Variants in LARP4B observed in about 807,000 individuals in gnomAD.
LARP4B encodes the protein La ribonucleoprotein 4B, also known as la-related protein 4B.
In LARP4B, 12 loss-of-function variants were observed where a neutral mutation model predicts 89.8. The observed-to-expected ratio is 0.13, with a 90% confidence interval of 0.09 to 0.22. The LOEUF (loss-of-function observed/expected upper bound fraction) is 0.22. Ranked by LOEUF, LARP4B falls within the 10% of genes least tolerant of loss-of-function variation. The pLI, the probability that LARP4B is intolerant of heterozygous loss-of-function variation, is 1.00. For missense variants in LARP4B, 757 were observed against 947.7 expected (o/e 0.80, Z 2.64); for synonymous variants, 367 against 363.3 (o/e 1.01, Z -0.12).
At chr10:954,543 G>T in the LARP4B span, among the ~76,000 whole-genome samples, 4 of 152,126 alleles carry the variant, frequency 2.6e-5, no homozygotes. This position sits in a 1 kb window ranked among gnomAD's most constrained non-coding sequence, Gnocchi z 5.0. Context: ...AATGGGAGTC[G>T]GGACATGGCC....
chr10:974,322 TG>T, the LARP4B span, among the ~76,000 whole-genome samples: 1 of 152,004 alleles, frequency 6.6e-6, no homozygotes, highest in Non-Finnish European at 1.5e-5. Flanking sequence ...GAGTGTTCCC[TG>T]GGGAGTTTGC....
At chr10:845,464 C>A (rs1160924744) in intron 5 of LARP4B, among the ~76,000 whole-genome samples, 1 of 152,134 alleles carries the variant, frequency 6.6e-6, no homozygotes, top group Non-Finnish European at 1.5e-5. Context: ...CAGCAAAAAA[C>A]CAAGGCTGGA....
the LARP4B span, among the ~76,000 whole-genome samples, chr10:975,567 G>C: frequency 2.6e-5 from 4 of 152,262 alleles, no homozygotes; most frequent in African/African-American, 9.6e-5. Context: ...TTTCAAGGGA[G>C]CTCCACTGCG....
At chr10:858,904 C>T (rs1055127259) in intron 5 of LARP4B, among the ~76,000 whole-genome samples, 4 of 152,194 alleles carry the variant, frequency 2.6e-5, no homozygotes, top group Non-Finnish European at 4.4e-5. Context: ...GTAATCACAG[C>T]ACTTTGGCAG....
At chr10:899,828 T>C (rs1276601048) in intron 1 of LARP4B, among the ~76,000 whole-genome samples, 1 of 152,098 alleles carries the variant, frequency 6.6e-6, no homozygotes, top group Admixed American at 6.5e-5. Context: ...AAACAGAAAT[T>C]TACCTAAATA....
chr10:911,859 A>C (rs1270191118), intron 1 of LARP4B, among the ~76,000 whole-genome samples: 3 of 152,222 alleles, frequency 2.0e-5, no homozygotes, highest in Non-Finnish European at 2.9e-5. Context: ...GCAATGGCGG[A>C]CAAGTCACTG....
chr10:915,263 C>A (rs1311178154), intron 1 of LARP4B, among the ~76,000 whole-genome samples: 1 of 151,920 alleles, frequency 6.6e-6, no homozygotes, highest in East Asian at 1.9e-4. Flanking sequence ...CCACCCCAGG[C>A]AACAGAGCAG....
intron 8 of LARP4B, among the ~76,000 whole-genome samples, chr10:833,310 C>T (rs1417848653): frequency 8.1e-6 from 1 of 122,982 alleles, no homozygotes; most frequent in Non-Finnish European, 1.6e-5. Context: ...AGAAAGTTTA[C>T]GCATTTGTGT....
chr10:903,589 A>G (rs988979229), intron 1 of LARP4B: 3 of 152,230 alleles, frequency 2.0e-5, no homozygotes, highest in Non-Finnish European at 2.9e-5. Flanking sequence ...ACTGAGGAAA[A>G]GCCAGAATTG....
At chr10:819,757 T>A (rs1832248839) in intron 14 of LARP4B, 1 of 152,254 alleles carries the variant, frequency 6.6e-6, no homozygotes, top group Non-Finnish European at 1.5e-5. Flanking sequence ...CCTTACCAAC[T>A]AGTTAAACAA....
At chr10:878,047 G>A (rs1356538807) in intron 3 of LARP4B, among the ~76,000 whole-genome samples, 4 of 152,164 alleles carry the variant, frequency 2.6e-5, no homozygotes, top group Non-Finnish European at 5.9e-5. Context: ...TCTGGGAAAG[G>A]GGCACACCAG....
rs548691315 is a variant in LARP4B, at chr10:822,435, G to T, written c.1485-1590C>A. Among the ~76,000 whole-genome samples the T allele has an allele frequency of 7.2e-5, 11 of 152,182 alleles. No individual in the cohort carries two copies. Among genetic ancestry groups the T allele is most frequent in the Non-Finnish European group, 1.5e-4 (10 of 68,022 alleles). On this transcript the variant is annotated intron_variant, in intron 13 of 17. Transcript: ENST00000316157. The surrounding 1 kb of genome is among the most constrained non-coding windows in gnomAD (Gnocchi z 4.6). ...GGGCACCCATCCCTTGGAACACAGC[G>T]GTGTCCAGGACACAGACCTGCCTGC...
chr10:943,210 G>A, the LARP4B span, among the ~76,000 whole-genome samples: 3 of 152,086 alleles, frequency 2.0e-5, no homozygotes, highest in African/African-American at 7.2e-5. Flanking sequence ...GCCTTCCAAA[G>A]TGCTGGGATT....
the LARP4B span, among the ~76,000 whole-genome samples, chr10:941,872 C>T: frequency 4.6e-5 from 7 of 151,734 alleles, no homozygotes; most frequent in Non-Finnish European, 8.8e-5. Flanking sequence ...AACTCCTGGG[C>T]TCAAGCGATC....
chr10:960,707 CAAAAAAAAAAAAAAAA>C, the LARP4B span, among the ~76,000 whole-genome samples: 9 of 65,888 alleles, frequency 1.4e-4, no homozygotes, highest in African/African-American at 5.2e-4. Flanking sequence ...GACTCTGTCT[CAAAAAAAAAAAAAAAA>C]AAAAAAAAAA....
chr10:918,586 A>C (rs1192397476), intron 1 of LARP4B, among the ~76,000 whole-genome samples: 2 of 148,978 alleles, frequency 1.3e-5, no homozygotes, highest in Non-Finnish European at 3.0e-5. Flanking sequence ...ATAAGCCAAG[A>C]TCACGCCACT....
chr10:812,520 T>A lies in LARP4B; in HGVS notation c.*406A>T, dbSNP rs1003459590. 1.3e-5 allele frequency: 2 copies of A among 148,368 alleles called. No individual in the cohort carries two copies. Among genetic ancestry groups the A allele is most frequent in the African/African-American group, 2.5e-5 (1 of 40,040 alleles). The allele number at this position is 148,368 out of a possible 1,614,324, so 9.2% of individuals were successfully genotyped here. A position where few individuals can be genotyped will look rare whatever the true frequency, so the allele number is the denominator to read the frequency against. ...CATCTGCGGGGACGTTCTAGAGATA[T>A]GCACTTACAGACCAGTTACTTAAAA... On this transcript the variant is annotated 3_prime_UTR_variant, in exon 18 of 18. Transcript: ENST00000316157.
chr10:851,067 G>A (rs535214711), intron 5 of LARP4B, among the ~76,000 whole-genome samples: 4 of 151,590 alleles, frequency 2.6e-5, no homozygotes, highest in African/African-American at 7.3e-5. Flanking sequence ...ACAGAAGAAA[G>A]GGTAAATTAA....
intron 3 of LARP4B, among the ~76,000 whole-genome samples, chr10:870,568 T>G (rs995134021): frequency 1.3e-5 from 2 of 152,308 alleles, no homozygotes; most frequent in South Asian, 4.1e-4. Flanking sequence ...TAAAACCCAT[T>G]TCACCATTTA....
Sources: allele counts gnomAD v4.1 joint callset (sites outside exome capture counted in the v4.1 genomes callset), GRCh38; gene constraint gnomAD v4.1.1; non-coding constraint Gnocchi (gnomAD v3.1); transcripts MANE v1.5; gene names NCBI Gene and HGNC (gene_info 2026-07-23, HGNC 2026-07-21).